RANBP3L: variants seen among roughly 807,000 people sequenced by gnomAD.
The protein encoded by RANBP3L is RAN binding protein 3 like, also known as ran-binding protein 3-like.
Under a neutral mutation model 67.2 loss-of-function variants are expected in RANBP3L, and 56 were observed. The observed-to-expected ratio is 0.83, with a 90% CI of 0.67 to 1.04. The LOEUF (loss-of-function observed/expected upper bound fraction) is 1.04, where lower values mean the gene tolerates loss of function less well. Among genes scored for constraint, RANBP3L ranks in the 50% least tolerant of loss-of-function variants. The probability of loss-of-function intolerance (pLI) is 0.00; values close to 1 mark genes in which losing one functional copy is unlikely to be tolerated. For synonymous variants in RANBP3L, 164 were observed against 181.4 expected, an observed-to-expected ratio of 0.90 and a Z score of 0.77; for missense variants, 496 against 535.5, an observed-to-expected ratio of 0.93 and a Z score of 0.73.
intron 9 of RANBP3L, 86 bp downstream of exon 9, chr5:36,257,368 A>G (rs1749058265): frequency 4.1e-6 from 2 of 483,382 alleles, no homozygotes; most frequent in Non-Finnish European, 7.1e-6. Flanking sequence ...TATTAATTTT[A>G]CTTATATTAA....
chr5:36,256,987 T>G lies in RANBP3L; in HGVS notation c.857A>C (p.Lys286Thr). The G allele has an allele frequency of 6.2e-7, 1 of 1,613,280 alleles. No homozygotes were observed. Among genetic ancestry groups the G allele is most frequent in the Admixed American group, 1.7e-5 (1 of 59,988 alleles). The part of the protein sequence containing the change: ...SQPSRKCLLE[K>T]IDVITGEETE... ...TTCCTCCCCTGTTATAACATCAATT[T>G]TCTCCAGCAAGCATTTTCGTGATGG... Residue 286 changes from lysine (K) to threonine (T), a missense_variant, in exon 10 of 14, where the codon AAA (lysine) becomes ACA (threonine). Physicochemically the swap from Lys to Thr is moderately conservative, Grantham distance 78. Coordinates refer to ENST00000296604, the MANE Select transcript of RANBP3L (RefSeq NM_145000.5).
intron 11 of RANBP3L, among the ~76,000 whole-genome samples, chr5:36,254,327 G>T (rs2111645843): frequency 6.6e-6 from 1 of 151,988 alleles, no homozygotes; most frequent in African/African-American, 2.4e-5. Context: ...AGAAAACAAA[G>T]GCCAGAAAAA....
In RANBP3L at chr5:36,256,931, A is replaced by G; in HGVS notation, c.903+10T>C. On this transcript the variant is annotated intron_variant, in intron 10 of 13. Coordinates refer to ENST00000296604, the MANE Select transcript of RANBP3L (RefSeq NM_145000.5). Reference sequence around the variant, plus strand: ...ATGCTACCAGAAAGAGTAAAACATGATATACAGACCTTTAACACATTATGT... The same window carrying G: ...ATGCTACCAGAAAGAGTAAAACATGGTATACAGACCTTTAACACATTATGT... The G allele has an allele frequency of 1.9e-6, 3 of 1,609,308 alleles. No individual in the cohort carries two copies. Among genetic ancestry groups the G allele is most frequent in the Non-Finnish European group, 2.5e-6 (3 of 1,177,256 alleles).
chr5:36,271,020 T>C (rs781680710), intron 2 of RANBP3L, among the ~76,000 whole-genome samples: 59 of 152,180 alleles, frequency 3.9e-4, no homozygotes, highest in Non-Finnish European at 7.9e-4. Context: ...ATAAAGATAT[T>C]ACCATAGCGA....
intron 7 of RANBP3L, 59 bp downstream of exon 7, chr5:36,261,880 A>G (rs550950944): frequency 2.3e-5 from 19 of 827,622 alleles, no homozygotes; most frequent in East Asian, 1.8e-4. Context: ...ATGAATGGTT[A>G]TAATAATGAA....
chr5:36,262,047 A>C lies in RANBP3L; in HGVS notation c.481-5T>G. 1.4e-6 allele frequency: 2 copies of C among 1,442,688 alleles called. No individual in the cohort carries two copies. Among genetic ancestry groups the C allele is most frequent in the South Asian group, 2.3e-5 (2 of 86,124 alleles). The allele number at this position is 1,442,688 out of a possible 1,614,324, so 89.4% of individuals were successfully genotyped here. A position where few individuals can be genotyped will look rare whatever the true frequency, so the allele number is the denominator to read the frequency against. ...ATAGGAATTTCCCTCAGAAATCTGA[A>C]AGTAAAGAAATCCATCAAAAAGTTT... is the stretch of plus-strand genomic sequence containing the variant. On this transcript the variant is annotated splice_region_variant and splice_polypyrimidine_tract_variant and intron_variant, in intron 6 of 13. Coordinates refer to ENST00000296604, the MANE Select transcript of RANBP3L (RefSeq NM_145000.5).
intron 7 of RANBP3L, among the ~76,000 whole-genome samples, 197 bp downstream of exon 7, chr5:36,261,742 T>C (rs1460807622): frequency 1.3e-5 from 2 of 152,174 alleles, no homozygotes; most frequent in Non-Finnish European, 2.9e-5. Flanking sequence ...GACAATCCAG[T>C]ATTAATATGA....
chr5:36,300,009 G>A (rs183837098), intron 1 of RANBP3L, among the ~76,000 whole-genome samples: 46 of 152,220 alleles, frequency 3.0e-4, no homozygotes, highest in Admixed American at 2.6e-3. Flanking sequence ...GGGTGGTGGG[G>A]TTACAGGTGA....
intron 13 of RANBP3L, among the ~76,000 whole-genome samples, chr5:36,250,329 A>T (rs1748506577): frequency 6.6e-6 from 1 of 152,028 alleles, no homozygotes; most frequent in South Asian, 2.1e-4. Flanking sequence ...TAGCAAAAAA[A>T]ATCATATTCA....
chr5:36,293,513 A>G (rs1303630476), intron 1 of RANBP3L, among the ~76,000 whole-genome samples: 3 of 151,372 alleles, frequency 2.0e-5, no homozygotes, highest in Non-Finnish European at 4.4e-5. Flanking sequence ...GTTTTTGCCC[A>G]TTCAGTATGA....
At chr5:36,292,086 T>C (rs1041623461) in intron 1 of RANBP3L, among the ~76,000 whole-genome samples, 4 of 147,878 alleles carry the variant, frequency 2.7e-5, no homozygotes, top group Non-Finnish European at 1.5e-5. Flanking sequence ...TTTGAATGAT[T>C]GCCATTCTAA....
In RANBP3L at chr5:36,266,988, C is replaced by T. The variant is rs151021944; in HGVS notation, c.269-1468G>A. ...GCCACGCTGGTTTCGAACTCCTGGC[C>T]TGCAGAGATCTGCCTGCCTTGGCCT... On this transcript the variant is annotated intron_variant, in intron 4 of 13. Transcript: ENST00000296604. Among the ~76,000 whole-genome samples the T allele has an allele frequency of 5.2e-3, 796 of 152,292 alleles. 5 individuals are homozygous for T. Among genetic ancestry groups the T allele is most frequent in the Admixed American group, 0.012 (183 of 15,306 alleles).
chr5:36,300,349 A>C (rs1402579469), intron 1 of RANBP3L, among the ~76,000 whole-genome samples: 2 of 152,210 alleles, frequency 1.3e-5, no homozygotes, highest in Non-Finnish European at 2.9e-5. Context: ...GCATGAAGTC[A>C]TGTTATACAG....
chr5:36,266,110 G>A (rs763415136), intron 4 of RANBP3L, among the ~76,000 whole-genome samples: 2 of 151,710 alleles, frequency 1.3e-5, no homozygotes, highest in Non-Finnish European at 2.9e-5. Flanking sequence ...TTTAAATAGT[G>A]CACTGTCAGA....
intron 13 of RANBP3L, 32 bp from the exon 14 acceptor site, chr5:36,249,729 C>T: frequency 7.9e-7 from 1 of 1,258,646 alleles, no homozygotes. Flanking sequence ...TTTTATTATA[C>T]AATATTATAT....
intron 8 of RANBP3L, among the ~76,000 whole-genome samples, chr5:36,260,347 C>T (rs190854819): frequency 1.9e-3 from 227 of 120,326 alleles, no homozygotes; most frequent in African/African-American, 6.4e-3. Context: ...GGTGACAGAG[C>T]GAGACTCTGT....
At chr5:36,271,351 C>G (rs777440953) in intron 1 of RANBP3L, 40 bp from the exon 2 acceptor site, 2 of 1,256,636 alleles carry the variant, frequency 1.6e-6, no homozygotes, top group African/African-American at 3.0e-5. Flanking sequence ...TCAAAGCATA[C>G]TCTGACATTT....
At chr5:36,289,399 C>T (rs74862927) in intron 1 of RANBP3L, among the ~76,000 whole-genome samples, 1 of 152,146 alleles carries the variant, frequency 6.6e-6, no homozygotes, top group East Asian at 1.9e-4. Flanking sequence ...ATTTCCTTAT[C>T]CTTTTAAAAT....
intron 1 of RANBP3L, among the ~76,000 whole-genome samples, chr5:36,291,258 GTC>G (rs992513076): frequency 6.6e-6 from 1 of 151,732 alleles, no homozygotes; most frequent in African/African-American, 2.4e-5. Flanking sequence ...TCTACTTTCT[GTC>G]TCTCTAAATT....
Sources: gnomAD v4.1 joint callset for allele counts (sites outside exome capture counted in the v4.1 genomes callset) on GRCh38, gnomAD v4.1.1 for gene constraint, MANE v1.5 for transcripts, NCBI Gene and HGNC (gene_info 2026-07-23, HGNC 2026-07-21) for gene names.